The following BORCS5 variants were observed in gnomAD, a reference collection of about 807,000 sequenced individuals.
The protein encoded by BORCS5 is BLOC-1-related complex subunit 5.
A neutral mutation model predicts 22.1 loss-of-function variants in BORCS5; 17 were observed. The ratio of observed to expected loss-of-function variants is 0.77; its 90% CI spans 0.53 to 1.15. BORCS5 has a LOEUF of 1.15. Among genes scored for constraint, BORCS5 ranks in the 50% most tolerant of loss-of-function variants. BORCS5 has a pLI of 0.00. For synonymous variants in BORCS5, 117 were observed against 99.8 expected, an observed-to-expected ratio of 1.17 and a Z score of -1.03; for missense variants, 247 against 253.2, an observed-to-expected ratio of 0.98 and a Z score of 0.17.
intron 3 of BORCS5, among the ~76,000 whole-genome samples, chr12:12,456,513 T>C (rs550275378): frequency 6.6e-6 from 1 of 152,320 alleles, no homozygotes; most frequent in African/African-American, 2.4e-5. Context: ...ATGAGGAAAA[T>C]TTATATAACA....
At chr12:12,400,798 C>G (rs957101055) in intron 2 of BORCS5, among the ~76,000 whole-genome samples, 1 of 152,188 alleles carries the variant, frequency 6.6e-6, no homozygotes, top group Non-Finnish European at 1.5e-5. Flanking sequence ...TTTTGGCATT[C>G]ATCATGCCCA....
intron 3 of BORCS5, among the ~76,000 whole-genome samples, chr12:12,464,406 G>C (rs1364398583): frequency 2.0e-5 from 3 of 152,288 alleles, no homozygotes; most frequent in South Asian, 4.1e-4. Flanking sequence ...GTGTTTTCAT[G>C]AGTTTGTTTT....
chr12:12,388,065 A>G (rs1267107511), intron 2 of BORCS5, among the ~76,000 whole-genome samples: 1 of 151,420 alleles, frequency 6.6e-6, no homozygotes, highest in Non-Finnish European at 1.5e-5. Flanking sequence ...TTGCTATCTC[A>G]TATGCGATTA....
chr12:12,412,925 T>TA (rs1555150778), intron 2 of BORCS5, among the ~76,000 whole-genome samples: 53 of 110,508 alleles, frequency 4.8e-4, no homozygotes, highest in Middle Eastern at 4.2e-3. Context: ...TTTTTTTTTT[T>TA]ATTGATAATT....
chr12:12,464,895 C>T (rs1351502660), intron 3 of BORCS5, among the ~76,000 whole-genome samples: 6 of 152,128 alleles, frequency 3.9e-5, no homozygotes, highest in Admixed American at 3.3e-4. Flanking sequence ...TTGCAGTGTT[C>T]CCCGAGTGTC....
At chr12:12,417,105 A>G (rs2136098709) in intron 2 of BORCS5, among the ~76,000 whole-genome samples, 1 of 152,208 alleles carries the variant, frequency 6.6e-6, no homozygotes, top group African/African-American at 2.4e-5. Context: ...GTAAACATTG[A>G]TAAATTTCCC....
chr12:12,357,627 T>C (rs1863174404), intron 1 of BORCS5, 118 bp downstream of exon 1: 2 of 1,081,800 alleles, frequency 1.8e-6, no homozygotes, highest in Admixed American at 3.2e-5. Flanking sequence ...GCCTTCACCG[T>C]GCTAGTAGGA....
chr12:12,426,463 T>G lies in BORCS5; in HGVS notation c.203-9165T>G, dbSNP rs115904265. Among the ~76,000 whole-genome samples, 325 of 152,358 alleles carry G rather than the reference T, an allele frequency of 2.1e-3. 2 individuals are homozygous for G. The highest frequency in any genetic ancestry group is 7.5e-3 in the African/African-American group (311 of 41,586). On this transcript the variant is annotated intron_variant, in intron 2 of 3. Transcript: ENST00000314565. The stretch of plus-strand genomic sequence containing the variant: ...ACTGAGGTGTGTCGTTTGTGGATAC[T>G]GATGACCTTTGGAAATACTGTGTCT...
rs1438223800 is a variant in BORCS5 at position 12,414,725 on chromosome 12, C to T, written c.203-20903C>T. 3.2e-4 allele frequency among the ~76,000 whole-genome samples: 42 copies of T among 132,144 alleles called. 1 individual carries two copies. The highest frequency in any genetic ancestry group is 8.3e-4 in the East Asian group (4 of 4,846). The allele number at this position is 132,144 out of a possible 152,430, so 86.7% of individuals were successfully genotyped here. ...CCTCCCTCCCGGATGGGGTGGCTGC[C>T]GGGCGGAGACGCTCCTCACTTCCCA... is the stretch of plus-strand genomic sequence containing the variant. On this transcript the variant is annotated intron_variant, in intron 2 of 3. Coordinates refer to ENST00000314565, the MANE Select transcript of BORCS5 (RefSeq NM_058169.6).
At chr12:12,406,796 C>CT (rs34160263) in intron 2 of BORCS5, among the ~76,000 whole-genome samples, 38,926 of 148,532 alleles carry the variant, frequency 0.26, 5,838 homozygotes, top group Non-Finnish European at 0.34. Context: ...TGTTAAACAC[C>CT]TTTTTTTTTT....
chr12:12,431,444 G>A (rs1311143267), intron 2 of BORCS5, among the ~76,000 whole-genome samples: 1 of 136,506 alleles, frequency 7.3e-6, no homozygotes, highest in Non-Finnish European at 1.5e-5. Flanking sequence ...TGCTCTGTCG[G>A]CAGGCTGGAG....
At chr12:12,399,167 G>T (rs958744859) in intron 2 of BORCS5, among the ~76,000 whole-genome samples, 2 of 152,112 alleles carry the variant, frequency 1.3e-5, no homozygotes, top group South Asian at 2.1e-4. Context: ...AAAGATCTTG[G>T]AAAGTTTTAA....
intron 2 of BORCS5, among the ~76,000 whole-genome samples, chr12:12,421,303 A>G (rs1048659615): frequency 4.6e-5 from 7 of 152,156 alleles, no homozygotes; most frequent in African/African-American, 7.2e-5. Flanking sequence ...ATCTATTGAG[A>G]TAATCATGTG....
intron 3 of BORCS5, among the ~76,000 whole-genome samples, chr12:12,450,734 C>A (rs1942892511): frequency 6.6e-6 from 1 of 152,178 alleles, no homozygotes; most frequent in South Asian, 2.1e-4. Flanking sequence ...ATTCTGGCTT[C>A]ACTGCTAGTA....
intron 2 of BORCS5, among the ~76,000 whole-genome samples, chr12:12,416,054 C>G (rs571985364): frequency 7.2e-5 from 11 of 152,210 alleles, no homozygotes; most frequent in Non-Finnish European, 1.2e-4. Context: ...TTGGTAGGTT[C>G]TAGTTCTGTG....
chr12:12,368,122 CT>C (rs1863442399), intron 2 of BORCS5, among the ~76,000 whole-genome samples: 1 of 152,166 alleles, frequency 6.6e-6, no homozygotes, highest in Admixed American at 6.5e-5. Context: ...ATATTTGCTG[CT>C]TTGGAGGATT....
chr12:12,439,808 T>A (rs1315085982), intron 3 of BORCS5, among the ~76,000 whole-genome samples: 1 of 152,176 alleles, frequency 6.6e-6, no homozygotes, highest in Non-Finnish European at 1.5e-5. Flanking sequence ...GCGTAATGTG[T>A]CCGTCTTATC....
At chr12:12,404,882 T>C (rs1404661534) in intron 2 of BORCS5, among the ~76,000 whole-genome samples, 1 of 152,058 alleles carries the variant, frequency 6.6e-6, no homozygotes, top group Non-Finnish European at 1.5e-5. Flanking sequence ...TGTATTTTTA[T>C]TACAGATGGG....
intron 3 of BORCS5, among the ~76,000 whole-genome samples, chr12:12,445,330 C>T (rs1381496242): frequency 2.0e-5 from 3 of 151,952 alleles, no homozygotes; most frequent in African/African-American, 4.8e-5. Flanking sequence ...TGCGAGTCAT[C>T]GTGCCTGCCT....
Sources: gnomAD v4.1 joint callset for allele counts (sites outside exome capture counted in the v4.1 genomes callset) on GRCh38, gnomAD v4.1.1 for gene constraint, MANE v1.5 for transcripts, NCBI Gene and HGNC (gene_info 2026-07-23, HGNC 2026-07-21) for gene names.